SSPN: variants seen among roughly 807,000 people sequenced by gnomAD.
SSPN encodes sarcospan.
SSPN carries 15 observed loss-of-function variants against 19.1 expected under a neutral mutation model. The observed-to-expected ratio is 0.78, with a 90% CI of 0.52 to 1.21. The LOEUF is 1.21. SSPN is among the 50% of genes most tolerant of loss of function. The pLI is 0.00. For synonymous variants in SSPN, 147 were observed against 140.3 expected, an observed-to-expected ratio of 1.05 and a Z score of -0.34; for missense variants, 291 against 314.0, an observed-to-expected ratio of 0.93 and a Z score of 0.55.
At chr12:26,191,363 A>G (rs142319393), upstream of SSPN, among the ~76,000 whole-genome samples, 60 of 152,270 alleles carry the variant, frequency 3.9e-4, no homozygotes, top group African/African-American at 1.3e-3. Flanking sequence ...GCATGTGCCT[A>G]TAGTCCTAGC....
chr12:26,151,400 A>C (rs973257587), intron 1 of SSPN, among the ~76,000 whole-genome samples: 1 of 152,122 alleles, frequency 6.6e-6, no homozygotes, highest in South Asian at 2.1e-4. Context: ...AATCACATGC[A>C]TTGTGTTATT....
At chr12:26,122,555 G>A (rs1194994807) in intron 1 of SSPN, 58 of 1,189,770 alleles carry the variant, frequency 4.9e-5, no homozygotes, top group Non-Finnish European at 6.0e-5. Flanking sequence ...TGAGCAGGGC[G>A]GCGTCGGGTC....
At chr12:26,124,149 C>T in intron 1 of SSPN, 1 of 1,611,630 alleles carries the variant, frequency 6.2e-7, no homozygotes, top group Non-Finnish European at 8.5e-7. Context: ...CTTTTCTTTT[C>T]TATTAATCTG....
chr12:26,134,645 C>G (rs926289728), intron 1 of SSPN, among the ~76,000 whole-genome samples: 6 of 152,228 alleles, frequency 3.9e-5, no homozygotes, highest in African/African-American at 1.4e-4. Context: ...CAAGTCATAA[C>G]CAAGCCACAT....
At chr12:26,202,920 T>G (rs1459898827) in intron 1 of SSPN, among the ~76,000 whole-genome samples, 1 of 152,174 alleles carries the variant, frequency 6.6e-6, no homozygotes, top group Non-Finnish European at 1.5e-5. Flanking sequence ...TTTAATTGAC[T>G]GACAATTCCA....
At chr12:26,139,204 C>T (rs988326357) in intron 1 of SSPN, among the ~76,000 whole-genome samples, 2 of 152,112 alleles carry the variant, frequency 1.3e-5, no homozygotes, top group Non-Finnish European at 2.9e-5. Flanking sequence ...TCACTGAGTG[C>T]TTTTATTGAT....
At chr12:26,181,099 C>T in intron 1 of SSPN, 1 of 152,192 alleles carries the variant, frequency 6.6e-6, no homozygotes, top group East Asian at 1.9e-4. Flanking sequence ...GAATCTCAAA[C>T]AAGTTTTACT....
At chr12:26,198,227 G>T (rs552605447) in intron 1 of SSPN, among the ~76,000 whole-genome samples, 81 of 152,134 alleles carry the variant, frequency 5.3e-4, no homozygotes, top group African/African-American at 1.9e-3. Context: ...GCAGTGGCAC[G>T]ATTTTGGTTC....
At chr12:26,136,106 C>T (rs2137400764) in intron 1 of SSPN, among the ~76,000 whole-genome samples, 1 of 152,284 alleles carries the variant, frequency 6.6e-6, no homozygotes, top group African/African-American at 2.4e-5. Context: ...TCATTATTCT[C>T]TAAACAATAC....
At chr12:26,223,760 A>T (rs886737375) in intron 1 of SSPN, among the ~76,000 whole-genome samples, 1 of 152,256 alleles carries the variant, frequency 6.6e-6, no homozygotes, top group African/African-American at 2.4e-5. Flanking sequence ...TTACAGGAGG[A>T]ATACAATATA....
intron 1 of SSPN, among the ~76,000 whole-genome samples, chr12:26,207,096 G>C (rs764250088): frequency 1.2e-4 from 19 of 152,200 alleles, no homozygotes; most frequent in Non-Finnish European, 2.5e-4. Flanking sequence ...ATCAGAAAAA[G>C]AAAGGAGAGG....
intron 1 of SSPN, among the ~76,000 whole-genome samples, chr12:26,162,663 A>C (rs1467515226): frequency 1.3e-5 from 2 of 152,226 alleles, no homozygotes; most frequent in Non-Finnish European, 2.9e-5. Flanking sequence ...AAAACACGGC[A>C]TGCAAATGTG....
intron 1 of SSPN, among the ~76,000 whole-genome samples, chr12:26,164,181 C>G (rs1040257252): frequency 6.6e-6 from 1 of 152,190 alleles, no homozygotes; most frequent in Non-Finnish European, 1.5e-5. Flanking sequence ...TGATCATTCT[C>G]GAGAGCAGTG....
chr12:26,228,276 G>A (rs1945196902), intron 2 of SSPN, among the ~76,000 whole-genome samples: 1 of 151,516 alleles, frequency 6.6e-6, no homozygotes, highest in African/African-American at 2.4e-5. Context: ...GCACACACCT[G>A]TAGTCCCAGT....
intron 1 of SSPN, among the ~76,000 whole-genome samples, chr12:26,200,902 A>G (rs1381268502): frequency 4.0e-5 from 6 of 151,096 alleles, no homozygotes; most frequent in Non-Finnish European, 8.8e-5. Flanking sequence ...TCCACTGAAT[A>G]CATAGAACAA....
chr12:26,218,886 T>A (rs966864245), intron 1 of SSPN, among the ~76,000 whole-genome samples: 2 of 152,240 alleles, frequency 1.3e-5, no homozygotes, highest in Non-Finnish European at 2.9e-5. Flanking sequence ...TGACAATCCA[T>A]AGAAATTCTC....
intron 1 of SSPN, among the ~76,000 whole-genome samples, chr12:26,186,213 A>C (rs1565681243): frequency 6.7e-6 from 1 of 148,602 alleles, no homozygotes; most frequent in Non-Finnish European, 1.5e-5. Context: ...TTAAAAAAAA[A>C]ACAACAACCA....
At chr12:26,190,501 A>C (rs973263994), upstream of SSPN, among the ~76,000 whole-genome samples, 1 of 152,196 alleles carries the variant, frequency 6.6e-6, no homozygotes. Context: ...GAGTCGAGAG[A>C]TAACAGGAAG....
chr12:26,198,098 G>A (rs1366620413), intron 1 of SSPN, among the ~76,000 whole-genome samples: 1 of 152,024 alleles, frequency 6.6e-6, no homozygotes, highest in African/African-American at 2.4e-5. Flanking sequence ...GCAAAGTGCA[G>A]ATGTGTACAC....
Sources: allele counts gnomAD v4.1 joint callset (sites outside exome capture counted in the v4.1 genomes callset), GRCh38; gene constraint gnomAD v4.1.1; transcripts MANE v1.5; gene names NCBI Gene and HGNC (gene_info 2026-07-23, HGNC 2026-07-21).